Variants in VTI1A observed in about 807,000 individuals in gnomAD.
The protein encoded by VTI1A is vesicle transport through interaction with t-SNAREs 1A.
Under a neutral mutation model 34.9 loss-of-function variants are expected in VTI1A, and 22 were observed. The observed-to-expected ratio is 0.63, with a 90% CI of 0.45 to 0.90. VTI1A has a LOEUF of 0.90. Ranked by LOEUF, VTI1A falls within the 40% of genes least tolerant of loss-of-function variation. The pLI, the probability that VTI1A is intolerant of heterozygous loss-of-function variation, is 0.00. For missense variants in VTI1A, 268 were observed against 275.6 expected (o/e 0.97, Z 0.20); for synonymous variants, 87 against 97.3 (o/e 0.89, Z 0.62).
intron 7 of VTI1A, among the ~76,000 whole-genome samples, chr10:112,735,313 A>T (rs1850413844): frequency 6.6e-6 from 1 of 152,240 alleles, no homozygotes; most frequent in Non-Finnish European, 1.5e-5. Context: ...AAAAATACAG[A>T]TGTAGGGCTA....
chr10:112,657,239 G>C (rs1434241169), intron 5 of VTI1A, among the ~76,000 whole-genome samples: 1 of 152,194 alleles, frequency 6.6e-6, no homozygotes, highest in Admixed American at 6.5e-5. Flanking sequence ...CAGCATGTAT[G>C]TGTAAGGCCT....
rs74156817 is a variant in VTI1A at position 112,811,935 on chromosome 10, C to G, written c.561-3355C>G. ...AGGAGACTGGCAATGGAAAGATTAA[C>G]CGCTCCCTGAGTTCCACATGGGGAT... On this transcript the variant is annotated intron_variant, in intron 7 of 7. Transcript: ENST00000393077. 5.9e-3 allele frequency among the ~76,000 whole-genome samples: 895 copies of G among 152,300 alleles called. 6 individuals are homozygous for G. Among genetic ancestry groups the G allele is most frequent in the African/African-American group, 0.02 (846 of 41,564 alleles).
At chr10:112,819,289 C>A (rs1018019370), downstream of VTI1A, among the ~76,000 whole-genome samples, 2 of 152,168 alleles carry the variant, frequency 1.3e-5, no homozygotes, top group African/African-American at 4.8e-5. Flanking sequence ...TGAGGCACTC[C>A]ATGCTTGGGA....
At chr10:112,476,095 A>G (rs1446862026) in intron 3 of VTI1A, among the ~76,000 whole-genome samples, 1 of 152,208 alleles carries the variant, frequency 6.6e-6, no homozygotes, top group Non-Finnish European at 1.5e-5. Flanking sequence ...TTAAAGCCAC[A>G]TCGGTTTAAA....
At chr10:112,517,637 T>G (rs935705807) in intron 3 of VTI1A, among the ~76,000 whole-genome samples, 5 of 152,214 alleles carry the variant, frequency 3.3e-5, no homozygotes, top group African/African-American at 1.2e-4. Flanking sequence ...ATGCTGATCG[T>G]ATGTAGCTTC....
the VTI1A span, among the ~76,000 whole-genome samples, chr10:112,847,888 C>T: frequency 7.9e-5 from 12 of 152,268 alleles, no homozygotes; most frequent in African/African-American, 2.2e-4. Flanking sequence ...ACTGAAGAAA[C>T]ATATCTCCTA....
chr10:112,753,544 C>T (rs941997890), intron 7 of VTI1A, among the ~76,000 whole-genome samples: 4 of 152,066 alleles, frequency 2.6e-5, no homozygotes, highest in African/African-American at 7.2e-5. Flanking sequence ...GATAGCATGG[C>T]GTGCGCTATT....
At chr10:112,606,093 C>T (rs1845069444) in intron 5 of VTI1A, among the ~76,000 whole-genome samples, 2 of 149,530 alleles carry the variant, frequency 1.3e-5, no homozygotes, top group South Asian at 2.1e-4. Flanking sequence ...GGCGTGATCT[C>T]GGCTCACCAC....
intron 5 of VTI1A, among the ~76,000 whole-genome samples, chr10:112,556,139 C>T (rs967973639): frequency 5.2e-5 from 5 of 95,370 alleles, no homozygotes; most frequent in African/African-American, 1.2e-4. Context: ...ATTGAGGTTT[C>T]GCATACACTT....
intron 7 of VTI1A, among the ~76,000 whole-genome samples, chr10:112,748,326 T>C (rs1850978496): frequency 6.6e-6 from 1 of 152,186 alleles, no homozygotes; most frequent in African/African-American, 2.4e-5. Flanking sequence ...TTTGCCCATT[T>C]TTCTCAGGTG....
intron 5 of VTI1A, among the ~76,000 whole-genome samples, chr10:112,568,029 A>G (rs908130722): frequency 6.6e-6 from 1 of 152,214 alleles, no homozygotes; most frequent in Non-Finnish European, 1.5e-5. Context: ...CTCACTTAAA[A>G]CAAGACTATG....
chr10:112,811,717 G>GCAGTCCAT (rs946278983), intron 7 of VTI1A, among the ~76,000 whole-genome samples: 1 of 107,340 alleles, frequency 9.3e-6, no homozygotes, highest in African/African-American at 4.4e-5. Context: ...AAAAAAGAGT[G>GCAGTCCAT]CAGTCCATGC....
At chr10:112,792,145 T>G (rs1195786115) in intron 7 of VTI1A, among the ~76,000 whole-genome samples, 6 of 152,036 alleles carry the variant, frequency 3.9e-5, no homozygotes, top group Admixed American at 2.0e-4. Flanking sequence ...TGTGGTGGTG[T>G]GCACCTATAA....
At chr10:112,764,230 C>T (rs1851575813) in intron 7 of VTI1A, among the ~76,000 whole-genome samples, 2 of 152,092 alleles carry the variant, frequency 1.3e-5, no homozygotes, top group African/African-American at 2.4e-5. Context: ...TGCATGCATG[C>T]GGTCAGTTAC....
rs1019341819 is a variant in VTI1A, at chr10:112,686,253, C to T, written c.560+17255C>T. 2.0e-5 allele frequency among the ~76,000 whole-genome samples: 3 copies of T among 152,062 alleles called. No homozygotes were observed. In the South Asian group the frequency reaches 6.2e-4, roughly 32 times the overall value. On this transcript the variant is annotated intron_variant, in intron 7 of 7. Transcript: ENST00000393077. ...ACTTCTTTCATTTTTCAGCACAGTTCATTTTTTGTAGCAGTAGAAAATCCT... is the reference window on the plus strand; with the variant it reads ...ACTTCTTTCATTTTTCAGCACAGTTTATTTTTTGTAGCAGTAGAAAATCCT...
the VTI1A span, among the ~76,000 whole-genome samples, chr10:112,851,435 A>G: frequency 5.6e-3 from 857 of 152,304 alleles, 8 homozygotes; most frequent in African/African-American, 0.02. Context: ...AGATCTTTCT[A>G]GTACCTCCTT....
chr10:112,810,739 A>G (rs187423829), intron 7 of VTI1A, among the ~76,000 whole-genome samples: 1 of 152,328 alleles, frequency 6.6e-6, no homozygotes, highest in Admixed American at 6.5e-5. Context: ...TGTTTGGAAT[A>G]GGGAAACGAA....
intron 4 of VTI1A, 108 bp downstream of exon 4, chr10:112,527,272 G>A (rs1850266785): frequency 3.4e-6 from 3 of 873,770 alleles, no homozygotes; most frequent in Admixed American, 2.3e-5. Flanking sequence ...CAACTCATGT[G>A]GAAGCGATAC....
At chr10:112,779,367 G>A (rs1208796698) in intron 7 of VTI1A, among the ~76,000 whole-genome samples, 1 of 152,202 alleles carries the variant, frequency 6.6e-6, no homozygotes, top group African/African-American at 2.4e-5. Context: ...TTTTTAAGAG[G>A]AGACTAGATT....
Sources: allele counts gnomAD v4.1 joint callset (sites outside exome capture counted in the v4.1 genomes callset), GRCh38; gene constraint gnomAD v4.1.1; transcripts MANE v1.5; gene names NCBI Gene and HGNC (gene_info 2026-07-23, HGNC 2026-07-21).